DAB1: variants seen among roughly 807,000 people sequenced by gnomAD.
DAB1 encodes the protein disabled homolog 1.
In DAB1, 15 loss-of-function variants were observed where a neutral mutation model predicts 64.6. That is an observed-to-expected ratio of 0.23 (90% CI 0.16 to 0.36). The LOEUF (loss-of-function observed/expected upper bound fraction) is 0.36, where lower values mean the gene tolerates loss of function less well. Among genes scored for constraint, DAB1 ranks in the 10% least tolerant of loss-of-function variants. The pLI is 1.00. For synonymous variants in DAB1, 235 were observed against 251.9 expected (o/e 0.93, Z 0.64); for missense variants, 596 against 706.7 (o/e 0.84, Z 1.78).
intron 6 of DAB1, among the ~76,000 whole-genome samples, chr1:57,744,000 C>T (rs557889212): frequency 4.9e-4 from 74 of 152,336 alleles, no homozygotes; most frequent in African/African-American, 1.4e-3. Context: ...AGCAGTTTTC[C>T]GCCCTGGGCG....
At chr1:57,223,127 G>A (rs757542243) in intron 2 of DAB1, among the ~76,000 whole-genome samples, 17 of 152,014 alleles carry the variant, frequency 1.1e-4, no homozygotes, top group African/African-American at 2.7e-4. Flanking sequence ...TCCTTTTGCC[G>A]CCAAAATGCC....
intron 5 of DAB1, among the ~76,000 whole-genome samples, chr1:57,967,583 TG>T (rs1301660161): frequency 6.6e-6 from 1 of 152,154 alleles, no homozygotes; most frequent in Non-Finnish European, 1.5e-5. Flanking sequence ...GGAAGATATC[TG>T]GTGTTGATTC....
At chr1:57,163,578 C>T (rs969075514) in intron 2 of DAB1, among the ~76,000 whole-genome samples, 6 of 151,752 alleles carry the variant, frequency 4.0e-5, no homozygotes, top group East Asian at 1.9e-4. Flanking sequence ...GTGGGGGCGG[C>T]GGTACCTTAT....
At chr1:57,172,549 G>T (rs1265696060) in intron 2 of DAB1, among the ~76,000 whole-genome samples, 6 of 152,320 alleles carry the variant, frequency 3.9e-5, no homozygotes, top group South Asian at 2.1e-4. Context: ...GCAGGCTGTA[G>T]ATAGACTGAA....
intron 6 of DAB1, among the ~76,000 whole-genome samples, chr1:57,696,062 A>C (rs1646841463): frequency 6.6e-6 from 1 of 152,164 alleles, no homozygotes; most frequent in Non-Finnish European, 1.5e-5. Flanking sequence ...TGGACTGTGT[A>C]CTCAGAAGTC....
At chr1:57,003,357 T>A (rs1645941689) in intron 14 of DAB1, among the ~76,000 whole-genome samples, 1 of 152,178 alleles carries the variant, frequency 6.6e-6, no homozygotes, top group South Asian at 2.1e-4. Context: ...TGTCACATAG[T>A]CTTACTTGAG....
chr1:57,061,233 G>C (rs998734960), intron 9 of DAB1, among the ~76,000 whole-genome samples: 32 of 151,060 alleles, frequency 2.1e-4, no homozygotes, highest in Non-Finnish European at 3.7e-4. Flanking sequence ...TTAGATGGGG[G>C]GGGGGGGTGG....
At chr1:58,497,923 T>C (rs571712904) in intron 3 of DAB1, among the ~76,000 whole-genome samples, 6 of 152,292 alleles carry the variant, frequency 3.9e-5, no homozygotes, top group Admixed American at 1.3e-4. Context: ...ATCTCCCAGG[T>C]ATACAGGAAG....
intron 2 of DAB1, among the ~76,000 whole-genome samples, chr1:57,273,957 A>C (rs563581150): frequency 2.6e-5 from 4 of 151,992 alleles, no homozygotes; most frequent in African/African-American, 9.6e-5. Context: ...TCACCCTATT[A>C]ATTTTCCTCA....
intron 5 of DAB1, among the ~76,000 whole-genome samples, chr1:57,952,302 T>C (rs745315137): frequency 7.2e-5 from 11 of 152,040 alleles, no homozygotes; most frequent in Non-Finnish European, 1.2e-4. Flanking sequence ...ATAAAGACAA[T>C]GGGGGATGAT....
chr1:57,472,658 G>A lies in DAB1; in HGVS notation n.625+176934C>T, dbSNP rs368601157. On this transcript the variant is annotated intron_variant and non_coding_transcript_variant, in intron 7 of 20. Transcript: ENST00000485760. ...TCAATCGATCACGACCCTCTCACGC[G>A]CACCCCCTTAGAGTTGTGAGCCCTT... Among the ~76,000 whole-genome samples, 12 of 152,030 alleles carry A rather than the reference G, an allele frequency of 7.9e-5. No individual in the cohort carries two copies. The East Asian group carries it at 9.7e-4, about 12-fold the overall frequency.
At position 58,034,806 on chromosome 1, in the gene DAB1, TC is replaced by T. The variant is rs551634044; in HGVS notation, n.387+115704del. 1.2e-4 allele frequency among the ~76,000 whole-genome samples: 18 copies of T among 152,162 alleles called. No homozygotes were observed. The East Asian group carries it at 3.5e-3, about 29-fold the overall frequency. ...TTGGTTTTGCAGCCACCTACCCTCT[TC>T]CCCCTTCTAAAATCCAAAAAGAATG... On this transcript the variant is annotated intron_variant and non_coding_transcript_variant, in intron 5 of 20. Transcript: ENST00000485760.
At chr1:57,671,654 C>T (rs978791456) in intron 6 of DAB1, among the ~76,000 whole-genome samples, 22 of 152,038 alleles carry the variant, frequency 1.4e-4, no homozygotes, top group African/African-American at 5.3e-4. Flanking sequence ...GGCCTATGCA[C>T]CTTTGCTCAT....
In DAB1 at chr1:57,477,733, C is replaced by A. The variant is rs1643956039; in HGVS notation, n.625+171859G>T. 3.9e-5 allele frequency among the ~76,000 whole-genome samples: 6 copies of A among 152,112 alleles called. No homozygotes were observed. In the South Asian group the frequency reaches 1.2e-3, roughly 32 times the overall value. ...CTGGTTTTAAGGGTTGGGGCGATCA[C>A]TCTGGTGGTGATGTGTAGGATGGCT... On this transcript the variant is annotated intron_variant and non_coding_transcript_variant, in intron 7 of 20. Coordinates refer to the DAB1 transcript ENST00000485760.
At chr1:57,113,427 A>G (rs1436376148) in intron 4 of DAB1, among the ~76,000 whole-genome samples, 1 of 152,182 alleles carries the variant, frequency 6.6e-6, no homozygotes, top group Non-Finnish European at 1.5e-5. Flanking sequence ...TTAAAATTCT[A>G]GATTAGGGGT....
intron 7 of DAB1, among the ~76,000 whole-genome samples, chr1:57,612,786 C>G (rs1645744028): frequency 6.6e-6 from 1 of 152,076 alleles, no homozygotes; most frequent in Non-Finnish European, 1.5e-5. Flanking sequence ...ATGAATCCAT[C>G]CCCACCCCCC....
At chr1:57,265,120 T>C (rs536336738) in intron 2 of DAB1, among the ~76,000 whole-genome samples, 17 of 152,096 alleles carry the variant, frequency 1.1e-4, no homozygotes, top group Non-Finnish European at 1.9e-4. Flanking sequence ...GATGCCCAGC[T>C]CTCCTGGTAC....
intron 5 of DAB1, among the ~76,000 whole-genome samples, chr1:57,923,569 C>G (rs1355129808): frequency 6.6e-6 from 1 of 152,210 alleles, no homozygotes; most frequent in Non-Finnish European, 1.5e-5. Flanking sequence ...TCCACAAAAT[C>G]CCTTTAGGGC....
chr1:58,425,846 G>T (rs1030223327), intron 3 of DAB1, among the ~76,000 whole-genome samples: 2 of 151,938 alleles, frequency 1.3e-5, no homozygotes, highest in African/African-American at 4.8e-5. Flanking sequence ...GATTGGCAGG[G>T]GAGAAGCCTT....
Sources: allele counts gnomAD v4.1 joint callset (sites outside exome capture counted in the v4.1 genomes callset), GRCh38; gene constraint gnomAD v4.1.1; transcripts MANE v1.5; gene names NCBI Gene and HGNC (gene_info 2026-07-23, HGNC 2026-07-21).